The following FAM168B variants were observed in gnomAD, a reference collection of about 807,000 sequenced individuals.
FAM168B encodes myelin-associated neurite-outgrowth inhibitor.
FAM168B carries 19 observed loss-of-function variants against 21.8 expected under a neutral mutation model. The ratio of observed to expected loss-of-function variants is 0.87; its 90% CI spans 0.61 to 1.28. The LOEUF (loss-of-function observed/expected upper bound fraction) is 1.28. Ranked by LOEUF, FAM168B falls within the 50% of genes most tolerant of loss-of-function variation. FAM168B has a pLI of 0.00. For missense variants in FAM168B, 233 were observed against 263.1 expected, an observed-to-expected ratio of 0.89 and a Z score of 0.79; for synonymous variants, 126 against 104.8, an observed-to-expected ratio of 1.20 and a Z score of -1.24.
At chr2:131,088,439 A>T (rs867519943) in intron 1 of FAM168B, among the ~76,000 whole-genome samples, 1 of 152,136 alleles carries the variant, frequency 6.6e-6, no homozygotes, top group Non-Finnish European at 1.5e-5. Flanking sequence ...GGAGAGGAGG[A>T]AGGCCAGATA....
At chr2:131,070,052 T>A (rs957289297) in intron 3 of FAM168B, among the ~76,000 whole-genome samples, 1 of 150,254 alleles carries the variant, frequency 6.7e-6, no homozygotes, top group African/African-American at 2.5e-5. Flanking sequence ...AGAGACGGGG[T>A]TTCACCACGT....
intron 1 of FAM168B, among the ~76,000 whole-genome samples, chr2:131,083,909 T>C (rs2105576650): frequency 6.7e-6 from 1 of 149,784 alleles, no homozygotes; most frequent in South Asian, 2.1e-4. Flanking sequence ...TATTTATTTA[T>C]TTATTTATTT....
At chr2:131,081,641 G>A (rs1026539957) in intron 2 of FAM168B, among the ~76,000 whole-genome samples, 5 of 152,146 alleles carry the variant, frequency 3.3e-5, no homozygotes, top group East Asian at 1.9e-4. Flanking sequence ...ACCCTCCAGA[G>A]GGACGAGAAT....
At chr2:131,074,846 C>T (rs1469950617) in intron 2 of FAM168B, among the ~76,000 whole-genome samples, 1 of 152,162 alleles carries the variant, frequency 6.6e-6, no homozygotes, top group Admixed American at 6.5e-5. Flanking sequence ...GCTCTATTGC[C>T]CTGCATCCCT....
intron 5 of FAM168B, among the ~76,000 whole-genome samples, chr2:131,054,392 C>T (rs993755713): frequency 6.6e-6 from 1 of 152,190 alleles, no homozygotes; most frequent in Non-Finnish European, 1.5e-5. Context: ...AACCTGGTGC[C>T]TGCTGCCCTC....
Position 131,084,378 on chromosome 2 carries a change from T to A in FAM168B, c.-11-1721A>T, listed in dbSNP as rs189183724. ...GCTAAGTTTTGTATTTTTTTTTTTTTAAATAGAGATGAGGTTCCATCATGT... is the reference window on the plus strand; with the variant it reads ...GCTAAGTTTTGTATTTTTTTTTTTTAAAATAGAGATGAGGTTCCATCATGT... On this transcript the variant is annotated intron_variant, in intron 1 of 6. Transcript: ENST00000389915. 7.0e-3 allele frequency among the ~76,000 whole-genome samples: 1,066 copies of A among 151,240 alleles called. 12 individuals carry two copies. The highest frequency in any genetic ancestry group is 0.024 in the African/African-American group (976 of 41,266).
At chr2:131,090,271 A>G (rs920966745) in intron 1 of FAM168B, among the ~76,000 whole-genome samples, 1 of 148,766 alleles carries the variant, frequency 6.7e-6, no homozygotes, top group African/African-American at 2.5e-5. Flanking sequence ...ATGAGCCCAG[A>G]CCGTGCCACT....
At chr2:131,083,810 T>C (rs1186823961) in intron 1 of FAM168B, among the ~76,000 whole-genome samples, 2 of 152,156 alleles carry the variant, frequency 1.3e-5, no homozygotes, top group South Asian at 2.1e-4. Flanking sequence ...AAGAAATATA[T>C]AAAAATATGA....
chr2:131,092,493 T>A (rs565127485), intron 1 of FAM168B, among the ~76,000 whole-genome samples: 2 of 152,214 alleles, frequency 1.3e-5, no homozygotes, highest in African/African-American at 2.4e-5. Flanking sequence ...CCTGAAAGTT[T>A]AAGGAGTGGA....
At chr2:131,069,991 C>T (rs1048130214) in intron 3 of FAM168B, among the ~76,000 whole-genome samples, 10 of 151,382 alleles carry the variant, frequency 6.6e-5, no homozygotes, top group Admixed American at 2.0e-4. Context: ...CCCTAGTAGC[C>T]GGGATTACCG....
chr2:131,069,305 A>G (rs1326895152), intron 3 of FAM168B, among the ~76,000 whole-genome samples: 1 of 152,264 alleles, frequency 6.6e-6, no homozygotes, highest in African/African-American at 2.4e-5. Context: ...ATGGTGGTCT[A>G]CGGCATGATC....
rs1380023891 is a variant in FAM168B at position 131,055,556 on chromosome 2, T to G, written c.294A>C (p.Ala98=). The change falls in exon 4 of 7, where the codon GCA becomes GCC. Residue 98 remains alanine, a synonymous_variant. Transcript: ENST00000389915. ...AGCAGTGTGTACCCAAGCATACCTG[T>G]GCATACGGGCTCTGCTGGGGGTAGG... ...RSAYPQQSPY[A]QQGTYYTQPL... is the part of the protein sequence containing the mutation. The G allele has an allele frequency of 5.6e-6, 9 of 1,604,104 alleles. No individual in the cohort carries two copies. The highest frequency in any genetic ancestry group is 7.7e-6 in the Non-Finnish European group (9 of 1,175,536).
intron 1 of FAM168B, among the ~76,000 whole-genome samples, chr2:131,087,973 C>T (rs1440199097): frequency 6.6e-6 from 1 of 152,152 alleles, no homozygotes; most frequent in Admixed American, 6.6e-5. Flanking sequence ...TGGCTGGTTG[C>T]AGTGGCTCAT....
intron 1 of FAM168B, among the ~76,000 whole-genome samples, chr2:131,091,153 G>A (rs1055727968): frequency 1.3e-5 from 2 of 152,128 alleles, no homozygotes; most frequent in Admixed American, 6.5e-5. Flanking sequence ...GGCCAACATA[G>A]TGAGATGAGA....
At chr2:131,078,323 C>A (rs1050025103) in intron 2 of FAM168B, among the ~76,000 whole-genome samples, 3 of 152,078 alleles carry the variant, frequency 2.0e-5, no homozygotes, top group Non-Finnish European at 4.4e-5. Flanking sequence ...TGAATTATAG[C>A]AAATTAGAGC....
intron 1 of FAM168B, 81 bp downstream of exon 1, chr2:131,093,133 T>C (rs1212495312): frequency 6.7e-6 from 1 of 150,298 alleles, no homozygotes; most frequent in Admixed American, 6.6e-5. Context: ...GGGCCGACCT[T>C]GGCGCCGCCC....
intron 3 of FAM168B, among the ~76,000 whole-genome samples, chr2:131,056,061 C>G (rs1208994400): frequency 6.6e-6 from 1 of 152,076 alleles, no homozygotes; most frequent in Admixed American, 6.5e-5. Context: ...CCTTTTAATC[C>G]CACAATTCCA....
intron 3 of FAM168B, among the ~76,000 whole-genome samples, chr2:131,065,061 G>A (rs1001060674): frequency 6.6e-6 from 1 of 152,170 alleles, no homozygotes; most frequent in Non-Finnish European, 1.5e-5. Flanking sequence ...GTGCTGATGC[G>A]GCCACAATAA....
intron 2 of FAM168B, among the ~76,000 whole-genome samples, chr2:131,081,417 C>T (rs73962906): frequency 0.15 from 22,650 of 152,138 alleles, 1,858 homozygotes; most frequent in South Asian, 0.24. Flanking sequence ...TGTCAGGAGC[C>T]CCAGGAGTAA....
Sources: allele counts gnomAD v4.1 joint callset (sites outside exome capture counted in the v4.1 genomes callset), GRCh38; gene constraint gnomAD v4.1.1; transcripts MANE v1.5; gene names NCBI Gene and HGNC (gene_info 2026-07-23, HGNC 2026-07-21).